TNS3: variants seen among roughly 807,000 people sequenced by gnomAD.
TNS3 encodes tensin-3.
A neutral mutation model predicts 140.9 loss-of-function variants in TNS3; 45 were observed. The ratio of observed to expected loss-of-function variants is 0.32; its 90% confidence interval spans 0.25 to 0.41. The LOEUF is 0.41. Among genes scored for constraint, TNS3 ranks in the 10% least tolerant of loss-of-function variants. TNS3 has a pLI of 1.00. For missense variants in TNS3, 1,716 were observed against 1,906.7 expected (o/e 0.90, Z 1.86); for synonymous variants, 815 against 788.4 (o/e 1.03, Z -0.56).
chr7:47,334,936 T>C (rs1788548501), intron 20 of TNS3, among the ~76,000 whole-genome samples: 1 of 152,224 alleles, frequency 6.6e-6, no homozygotes, highest in Admixed American at 6.5e-5. Flanking sequence ...GGAAACCTTT[T>C]CTCATGTCTT....
intron 4 of TNS3, chr7:47,453,013 C>A: frequency 3.0e-6 from 3 of 985,530 alleles, no homozygotes; most frequent in Non-Finnish European, 3.6e-6. Flanking sequence ...TCGCTCCTTC[C>A]CCTGCTTTAG....
At chr7:47,560,856 T>A (rs1800306719) in intron 1 of TNS3, among the ~76,000 whole-genome samples, 1 of 152,170 alleles carries the variant, frequency 6.6e-6, no homozygotes, top group Non-Finnish European at 1.5e-5. Flanking sequence ...AAACAGGCTG[T>A]AATCCCCAAG....
intron 10 of TNS3, among the ~76,000 whole-genome samples, chr7:47,422,277 A>G (rs1584622628): frequency 6.6e-6 from 1 of 152,348 alleles, no homozygotes; most frequent in African/African-American, 2.4e-5. Flanking sequence ...TCTGGCTTCA[A>G]ATGTGCAATG....
intron 16 of TNS3, among the ~76,000 whole-genome samples, chr7:47,372,987 C>T (rs1455925981): frequency 6.6e-6 from 1 of 152,156 alleles, no homozygotes; most frequent in Non-Finnish European, 1.5e-5. Context: ...GTGCAGAGCT[C>T]TGGGTAGGCC....
chr7:47,372,136 G>C (rs111772519), intron 16 of TNS3, among the ~76,000 whole-genome samples: 3 of 152,130 alleles, frequency 2.0e-5, no homozygotes, highest in African/African-American at 7.2e-5. Context: ...CTTCTGCTCC[G>C]TGAGAATGAC....
At chr7:47,448,180 G>A (rs1367188857) in intron 4 of TNS3, among the ~76,000 whole-genome samples, 1 of 152,250 alleles carries the variant, frequency 6.6e-6, no homozygotes, top group East Asian at 1.9e-4. Context: ...GCAGGAGTAA[G>A]CACACTCACC....
At chr7:47,574,763 T>A (rs766047446) in intron 1 of TNS3, among the ~76,000 whole-genome samples, 1 of 151,912 alleles carries the variant, frequency 6.6e-6, no homozygotes, top group Non-Finnish European at 1.5e-5. Flanking sequence ...TCACAAAAAA[T>A]ACAAATACTG....
At chr7:47,409,212 A>C (rs1793619305) in intron 13 of TNS3, among the ~76,000 whole-genome samples, 1 of 152,016 alleles carries the variant, frequency 6.6e-6, no homozygotes, top group South Asian at 2.1e-4. Context: ...AGAAGGAAGG[A>C]GGAGGAGGTA....
At chr7:47,432,269 CAG>C (rs1794962959) in intron 8 of TNS3, among the ~76,000 whole-genome samples, 1 of 152,030 alleles carries the variant, frequency 6.6e-6, no homozygotes, top group African/African-American at 2.4e-5. Flanking sequence ...ATGGATTAAC[CAG>C]TTATCACAGG....
intron 20 of TNS3, among the ~76,000 whole-genome samples, chr7:47,321,575 C>A (rs1787739309): frequency 1.3e-5 from 2 of 152,212 alleles, no homozygotes; most frequent in African/African-American, 4.8e-5. Flanking sequence ...TAATTTACAG[C>A]AATCCACAGT....
At chr7:47,456,698 G>C (rs1796260599) in intron 4 of TNS3, among the ~76,000 whole-genome samples, 1 of 151,988 alleles carries the variant, frequency 6.6e-6, no homozygotes. Flanking sequence ...AACGCTCAAG[G>C]ACCAGCACGT....
intron 2 of TNS3, among the ~76,000 whole-genome samples, chr7:47,527,201 C>T (rs1156381595): frequency 2.0e-5 from 3 of 152,178 alleles, no homozygotes; most frequent in Non-Finnish European, 2.9e-5. Context: ...CGCGCCACTG[C>T]ACTGCAGCCT....
chr7:47,485,852 G>T (rs1246102461), intron 3 of TNS3, among the ~76,000 whole-genome samples: 1 of 152,256 alleles, frequency 6.6e-6, no homozygotes, highest in East Asian at 1.9e-4. Context: ...AAGCCAGCAG[G>T]TCCACAGGAC....
At chr7:47,390,868 G>A (rs963148878) in intron 16 of TNS3, among the ~76,000 whole-genome samples, 1 of 152,182 alleles carries the variant, frequency 6.6e-6, no homozygotes. Flanking sequence ...TAGCTGGGGA[G>A]TCCAGAAGCC....
intron 20 of TNS3, among the ~76,000 whole-genome samples, chr7:47,309,226 GTC>G (rs1334876297): frequency 6.6e-6 from 1 of 152,146 alleles, no homozygotes; most frequent in African/African-American, 2.4e-5. Context: ...AATAAATCAA[GTC>G]TCTGTTACTC....
chr7:47,505,727 G>A (rs1798391796), intron 3 of TNS3, among the ~76,000 whole-genome samples: 1 of 151,950 alleles, frequency 6.6e-6, no homozygotes, highest in Non-Finnish European at 1.5e-5. Flanking sequence ...TTGTGTGTGT[G>A]TGTGTGTGTG....
At chr7:47,550,190 C>T (rs1800025694) in intron 1 of TNS3, among the ~76,000 whole-genome samples, 1 of 152,180 alleles carries the variant, frequency 6.6e-6, no homozygotes, top group Non-Finnish European at 1.5e-5. Flanking sequence ...CCCTGCCCTT[C>T]ACCTATCCAA....
chr7:47,321,912 G>A (rs1787756185), intron 20 of TNS3, among the ~76,000 whole-genome samples: 1 of 152,076 alleles, frequency 6.6e-6, no homozygotes, highest in South Asian at 2.1e-4. Context: ...GTTCAGGGAG[G>A]GGGACCCACT....
intron 17 of TNS3, among the ~76,000 whole-genome samples, chr7:47,362,988 CCAA>C (rs1562638548): frequency 0.027 from 8 of 300 alleles, no homozygotes; most frequent in Non-Finnish European, 0.054. Context: ...ATCACCATCA[CCAA>C]CATCATCACA....
Sources: gnomAD v4.1 joint callset for allele counts (sites outside exome capture counted in the v4.1 genomes callset) on GRCh38, gnomAD v4.1.1 for gene constraint, MANE v1.5 for transcripts, NCBI Gene and HGNC (gene_info 2026-07-23, HGNC 2026-07-21) for gene names.